Variants in AOPEP observed in about 807,000 individuals in gnomAD.
The protein encoded by AOPEP is aminopeptidase O.
In AOPEP, 77 loss-of-function variants were observed where a neutral mutation model predicts 98.1. The observed-to-expected ratio is 0.78, with a 90% CI of 0.65 to 0.95. AOPEP has a LOEUF of 0.95. Among genes scored for constraint, AOPEP ranks in the 40% least tolerant of loss-of-function variants. The pLI is 0.00. For missense variants in AOPEP, 1,024 were observed against 1,024.7 expected (o/e 1.00, Z 0.01); for synonymous variants, 346 against 365.3 (o/e 0.95, Z 0.60).
chr9:95,081,172 G>A (rs959001269), intron 15 of AOPEP, among the ~76,000 whole-genome samples: 2 of 152,192 alleles, frequency 1.3e-5, no homozygotes, highest in Admixed American at 6.5e-5. Context: ...GGACAGTCTC[G>A]GTCTGTACCT....
chr9:95,068,606 A>T (rs1366250071), intron 14 of AOPEP, among the ~76,000 whole-genome samples: 1 of 152,160 alleles, frequency 6.6e-6, no homozygotes, highest in Non-Finnish European at 1.5e-5. Flanking sequence ...CTCTTATATG[A>T]TGGTATCCCT....
intron 13 of AOPEP, among the ~76,000 whole-genome samples, chr9:95,044,678 G>A (rs1436076330): frequency 6.6e-6 from 1 of 152,184 alleles, no homozygotes; most frequent in South Asian, 2.1e-4. Flanking sequence ...GGGCTGAGGA[G>A]TGGACTGGGA....
At chr9:94,834,827 T>C (rs1404522859) in intron 5 of AOPEP, among the ~76,000 whole-genome samples, 1 of 151,820 alleles carries the variant, frequency 6.6e-6, no homozygotes, top group Admixed American at 6.6e-5. Flanking sequence ...CATACATACA[T>C]ACATACATAC....
Position 95,049,183 on chromosome 9 carries a change from T to G in AOPEP, c.2116-11511T>G, listed in dbSNP as rs566332962. ...TTTAAAGTTTGTTTATCCACTTTAC[T>G]TTTTGAGGATCTGTGCTCACTGGTT... On this transcript the variant is annotated intron_variant, in intron 13 of 16. Coordinates refer to ENST00000375315, the MANE Select transcript of AOPEP (RefSeq NM_001193329.3). 234 of 152,354 alleles carry G rather than the reference T, an allele frequency of 1.5e-3. 2 individuals are homozygous for G. The highest frequency in any genetic ancestry group is 5.4e-3 in the African/African-American group (224 of 41,592). 9.4% of individuals were successfully genotyped at this position (152,354 alleles called of 1,614,324 possible). A position where few individuals can be genotyped will look rare whatever the true frequency, so the allele number is the denominator to read the frequency against.
Position 94,760,451 on chromosome 9 carries a change from A to T in AOPEP, c.668A>T (p.Asp223Val). Residue 223 changes from aspartate to valine, a missense_variant, in exon 2 of 17, where the codon GAC (aspartate) becomes GTC (valine). Around this residue, in one of 3 missense-constraint regions of AOPEP, gnomAD observed 440 missense variants for 433.8 expected, o/e 1.01. Transcript: ENST00000375315. ...TGTGGGGAACTCCTCTTTGACACTG[A>T]CACTTGGAGCTTGCAGATAAGGAAG... ...PGCGELLFDT[D>V]TWSLQIRKTG... 6.2e-7 allele frequency: 1 copy of T among 1,613,796 alleles called. No homozygotes were observed. Among genetic ancestry groups the T allele is most frequent in the Non-Finnish European group, 8.5e-7 (1 of 1,179,892 alleles).
At chr9:94,955,151 A>C in intron 7 of AOPEP, 26 bp from the exon 8 acceptor site, 1 of 1,374,296 alleles carries the variant, frequency 7.3e-7, no homozygotes, top group African/African-American at 1.4e-5. Context: ...GCTATACTTA[A>C]ATAAATTGTT....
At chr9:95,041,957 G>A (rs1482333016) in intron 13 of AOPEP, among the ~76,000 whole-genome samples, 5 of 152,154 alleles carry the variant, frequency 3.3e-5, no homozygotes, top group African/African-American at 7.2e-5. Context: ...GGGAGGGAAC[G>A]GGAAGAAACC....
rs560524301 is a variant in AOPEP at position 95,044,389 on chromosome 9, G to A, written c.2116-16305G>A. Among the ~76,000 whole-genome samples, 3 of 152,050 alleles carry A rather than the reference G, an allele frequency of 2.0e-5. 1 individual carries two copies. The highest frequency in any genetic ancestry group is 4.2e-4 in the South Asian group (2 of 4,806). ...GGCTCCGCTGGATGCAGGTGGGGGTGGGAGTGAGGGGGGATTAAAAGTAAA... is the reference window on the plus strand; with the variant it reads ...GGCTCCGCTGGATGCAGGTGGGGGTAGGAGTGAGGGGGGATTAAAAGTAAA... On this transcript the variant is annotated intron_variant, in intron 13 of 16. Transcript: ENST00000375315.
At position 94,729,022 on chromosome 9, in the gene AOPEP, A is replaced by T. The variant is rs148717284; in HGVS notation, c.-136+2271A>T. Among the ~76,000 whole-genome samples the T allele has an allele frequency of 9.0e-3, 1,373 of 152,250 alleles. 14 individuals carry two copies. The highest frequency in any genetic ancestry group is 0.012 in the Non-Finnish European group (783 of 68,018). The stretch of plus-strand genomic sequence containing the variant: ...TTTGATGGGGAGACTAGAGAGAAAC[A>T]TGAAGGGTTGCCTGTCCAGGAAAGT... On this transcript the variant is annotated intron_variant, in intron 1 of 16. Transcript: ENST00000375315.
At chr9:94,857,839 T>G (rs183508474) in intron 5 of AOPEP, among the ~76,000 whole-genome samples, 1 of 152,362 alleles carries the variant, frequency 6.6e-6, no homozygotes, top group African/African-American at 2.4e-5. Context: ...AACACAGATC[T>G]CTGTGGATCC....
intron 9 of AOPEP, among the ~76,000 whole-genome samples, chr9:94,966,313 G>A (rs2059196163): frequency 6.6e-6 from 1 of 152,010 alleles, no homozygotes; most frequent in East Asian, 1.9e-4. Context: ...AGTTCACTGG[G>A]TGTCATCAGA....
Position 94,910,223 on chromosome 9 carries a change from C to T in AOPEP, c.1365-13763C>T, listed in dbSNP as rs539097100. Among the ~76,000 whole-genome samples the T allele has an allele frequency of 3.9e-5, 6 of 152,352 alleles. No individual in the cohort carries two copies. The South Asian group carries it at 1.2e-3, about 32-fold the overall frequency. On this transcript the variant is annotated intron_variant, in intron 5 of 16. Transcript: ENST00000375315. ...CCGGTTCTCCTTCCCAGAGCCCTCC[C>T]TGGCAGATTGTGAACCGACTAGGCC...
At chr9:95,081,945 T>C (rs1211982961) in intron 15 of AOPEP, among the ~76,000 whole-genome samples, 1 of 152,094 alleles carries the variant, frequency 6.6e-6, no homozygotes, top group Non-Finnish European at 1.5e-5. Flanking sequence ...AGAACGTCCT[T>C]GGCTATTTTA....
the AOPEP span, among the ~76,000 whole-genome samples, chr9:95,097,137 A>G: frequency 6.6e-6 from 1 of 152,194 alleles, no homozygotes; most frequent in Non-Finnish European, 1.5e-5. Context: ...AGAAACCCAG[A>G]TTTAGGTGCC....
rs370247076 is a variant in AOPEP at position 94,760,033 on chromosome 9, G to T, written c.250G>T (p.Val84Leu). 6.2e-7 allele frequency: 1 copy of T among 1,614,170 alleles called. No individual in the cohort carries two copies. Among genetic ancestry groups the T allele is most frequent in the South Asian group, 1.1e-5 (1 of 91,084 alleles). ...FGMPEPCHIP[V>L]TNARTFSSEM... is the part of the protein sequence containing the mutation. ...GATGCCTGAACCCTGCCATATTCCC[G>T]TGACAAATGCAAGGACCTTCTCATC... Residue 84 changes from valine (V) to leucine (L), a missense_variant, in exon 2 of 17, where the codon GTG becomes TTG. By Grantham distance (32) the Val-to-Leu change is conservative. Coordinates refer to ENST00000375315, the MANE Select transcript of AOPEP (RefSeq NM_001193329.3).
chr9:94,968,246 C>A (rs1490204729), intron 10 of AOPEP, among the ~76,000 whole-genome samples: 1 of 152,014 alleles, frequency 6.6e-6, no homozygotes, highest in Non-Finnish European at 1.5e-5. Context: ...CCAGCTCTGC[C>A]ACTTCTTTTG....
rs200593910 is a variant in AOPEP, at chr9:95,012,842, T to C, written c.2115+7226T>C. On this transcript the variant is annotated intron_variant, in intron 13 of 16. Transcript: ENST00000375315. ...GAATTAAATGAATGAATCCCACAAA[T>C]GGCATTTATTTTATAAACTCATACC... Among the ~76,000 whole-genome samples, 8 of 152,200 alleles carry C rather than the reference T, an allele frequency of 5.3e-5. No individual in the cohort carries two copies. In the East Asian group the frequency reaches 1.5e-3, roughly 29 times the overall value.
At chr9:94,986,514 T>C (rs897957127) in intron 11 of AOPEP, among the ~76,000 whole-genome samples, 1 of 152,232 alleles carries the variant, frequency 6.6e-6, no homozygotes, top group African/African-American at 2.4e-5. Flanking sequence ...GCAACCTCAC[T>C]GCATTTTATT....
chr9:94,928,513 A>C lies in AOPEP; in HGVS notation c.1643A>C (p.Glu548Ala), dbSNP rs147369569. The change falls in exon 7 of 17, where the codon GAG (glutamate) becomes GCG (alanine). Residue 548 changes from glutamate (E) to alanine (A), a missense_variant. Transcript: ENST00000375315. ...CAGGACGAGATGCAATGCTCCCCCG[A>C]GGAGATGCAGGTGTTAAGGTAAAGC... ...RLQDEMQCSP[E>A]EMQVLRPSKD... 314 of 1,550,752 alleles carry C rather than the reference A, an allele frequency of 2.0e-4. 1 individual carries two copies. The African/African-American group carries it at 3.2e-3, about 16-fold the overall frequency.
Sources: allele counts gnomAD v4.1 joint callset (sites outside exome capture counted in the v4.1 genomes callset), GRCh38; gene constraint gnomAD v4.1.1; regional missense constraint gnomAD v4.1.1; transcripts MANE v1.5; gene names NCBI Gene and HGNC (gene_info 2026-07-23, HGNC 2026-07-21).